Variants in LACTBL1 observed in about 807,000 individuals in gnomAD.
LACTBL1 encodes lactamase beta like 1, also known as beta-lactamase-like protein 1.
A neutral mutation model predicts 39.6 loss-of-function variants in LACTBL1; 29 were observed. The ratio of observed to expected loss-of-function variants is 0.73; its 90% CI spans 0.55 to 1.00. The LOEUF (loss-of-function observed/expected upper bound fraction) is 1.00, where lower values mean the gene tolerates loss of function less well. Among genes scored for constraint, LACTBL1 ranks in the 50% least tolerant of loss-of-function variants. LACTBL1 has a pLI of 0.00. For synonymous variants in LACTBL1, 361 were observed against 360.7 expected (o/e 1.00, Z -0.01); for missense variants, 711 against 748.5 (o/e 0.95, Z 0.59).
chr1:22,969,336 CA>C (rs967757784), upstream of LACTBL1, among the ~76,000 whole-genome samples: 45 of 152,282 alleles, frequency 3.0e-4, no homozygotes, highest in African/African-American at 1.1e-3. Context: ...TTATTAAATA[CA>C]CCAACCTGTC....
intron 2 of LACTBL1, among the ~76,000 whole-genome samples, chr1:22,962,812 T>C (rs1463264783): frequency 6.6e-6 from 1 of 152,148 alleles, no homozygotes; most frequent in Non-Finnish European, 1.5e-5. Flanking sequence ...CCCTAAGGCC[T>C]GTTCCTTTGT....
At chr1:22,956,843 A>G (rs1220077092) in intron 4 of LACTBL1, among the ~76,000 whole-genome samples, 1 of 152,088 alleles carries the variant, frequency 6.6e-6, no homozygotes, top group Non-Finnish European at 1.5e-5. Flanking sequence ...TTATTATAAT[A>G]AGTAATTAAT....
At chr1:22,961,457 G>A (rs1223801917) in intron 2 of LACTBL1, among the ~76,000 whole-genome samples, 2 of 152,226 alleles carry the variant, frequency 1.3e-5, no homozygotes, top group African/African-American at 2.4e-5. Flanking sequence ...TCCACCTCCC[G>A]GGTTCAAGCG....
chr1:22,953,426 G>C lies in LACTBL1; in HGVS notation c.1258C>G (p.Pro420Ala), dbSNP rs531575121. The change falls in exon 6 of 6, where the codon CCG (proline) becomes GCG (alanine). Residue 420 changes from proline to alanine, a missense_variant. By Grantham distance (27) the Pro-to-Ala change is conservative (BLOSUM62 -1). Transcript: ENST00000426928. ...GGGTGCGCGGTGGGCGGCGGAGCCG[G>C]GCCGGGCTCGGCCTCCCGGAGGGCG... 2.2e-4 allele frequency: 265 copies of C among 1,227,474 alleles called. No homozygotes were observed. In the African/African-American group the frequency reaches 3.5e-3, roughly 16 times the overall value. The allele number at this position is 1,227,474 out of a possible 1,614,324, so 76.0% of individuals were successfully genotyped here.
chr1:22,958,437 A>G (rs1324993992), intron 4 of LACTBL1, among the ~76,000 whole-genome samples: 1 of 152,192 alleles, frequency 6.6e-6, no homozygotes, highest in Non-Finnish European at 1.5e-5. Context: ...TTTGACCTGC[A>G]CTGATGGGTA....
chr1:22,970,809 CA>C, the LACTBL1 span, among the ~76,000 whole-genome samples: 5,216 of 80,154 alleles, frequency 0.065, 253 homozygotes, highest in African/African-American at 0.19. Context: ...GACCCTGTCT[CA>C]AAAAAAAAAA....
chr1:22,967,352 G>A (rs1458454116), upstream of LACTBL1, among the ~76,000 whole-genome samples: 1 of 152,060 alleles, frequency 6.6e-6, no homozygotes, highest in Non-Finnish European at 1.5e-5. Flanking sequence ...CTAGATGACA[G>A]AGTGAGACCC....
intron 4 of LACTBL1, among the ~76,000 whole-genome samples, chr1:22,957,640 CTTTTTTTT>C (rs34603019): frequency 7.1e-5 from 4 of 56,642 alleles, no homozygotes; most frequent in East Asian, 7.0e-4. Flanking sequence ...TCTTAATATT[CTTTTTTTT>C]TTTTTTTTTT....
chr1:22,970,089 T>C (rs1640922997), upstream of LACTBL1, among the ~76,000 whole-genome samples: 1 of 152,226 alleles, frequency 6.6e-6, no homozygotes, highest in Non-Finnish European at 1.5e-5. Context: ...TGTAAAGAGT[T>C]TACTTTTACA....
At chr1:22,955,243 T>G in intron 5 of LACTBL1, 78 bp downstream of exon 7, 1 of 1,140,394 alleles carries the variant, frequency 8.8e-7, no homozygotes, top group Non-Finnish European at 1.3e-6. Flanking sequence ...GATGAGGTGA[T>G]GTGGGCTCTT....
intron 2 of LACTBL1, among the ~76,000 whole-genome samples, chr1:22,962,821 G>T (rs766959013): frequency 2.9e-4 from 44 of 152,044 alleles, no homozygotes; most frequent in Admixed American, 7.2e-4. Context: ...CTGTTCCTTT[G>T]TGCCCCCAAA....
chr1:22,954,572 G>T (rs1431678819), intron 5 of LACTBL1, among the ~76,000 whole-genome samples: 3 of 152,100 alleles, frequency 2.0e-5, no homozygotes, highest in Non-Finnish European at 4.4e-5. Flanking sequence ...CTGAACTCTG[G>T]GCCAACTTCC....
intron 2 of LACTBL1, among the ~76,000 whole-genome samples, chr1:22,962,108 T>C (rs1476958039): frequency 6.6e-6 from 1 of 152,176 alleles, no homozygotes; most frequent in Non-Finnish European, 1.5e-5. Context: ...GAGGAATGCA[T>C]GTAAGTGGTT....
chr1:22,957,527 C>T (rs1204747012), intron 4 of LACTBL1, among the ~76,000 whole-genome samples: 1 of 151,548 alleles, frequency 6.6e-6, no homozygotes, highest in Non-Finnish European at 1.5e-5. Flanking sequence ...CTCAGGGCGT[C>T]ATCATGTTCA....
chr1:22,962,955 T>C (rs949314895), intron 2 of LACTBL1, among the ~76,000 whole-genome samples, 152 bp downstream of exon 4: 5 of 152,242 alleles, frequency 3.3e-5, no homozygotes, highest in Non-Finnish European at 7.3e-5. Flanking sequence ...CTTCCTGCCA[T>C]ATCCATAGTG....
chr1:22,953,303 C>A lies in LACTBL1; in HGVS notation c.1381G>T (p.Glu461Ter). ...CGGAACGCTGGAGGCACCAGCGCCT[C>A]CACGCGCGGCCCGAACTGGCGCAGG... The change falls in exon 6 of 6, where the codon GAG becomes TAG. Residue 461 changes from glutamate to a stop codon, truncating the protein, a stop_gained. Transcript: ENST00000426928. LOFTEE classifies it high-confidence loss of function. The A allele has an allele frequency of 8.2e-7, 1 of 1,226,280 alleles. No homozygotes were observed. Among genetic ancestry groups the A allele is most frequent in the Non-Finnish European group, 1.0e-6 (1 of 983,014 alleles). The allele number at this position is 1,226,280 out of a possible 1,614,324, so 76.0% of individuals were successfully genotyped here.
chr1:22,955,513 G>A, intron 4 of LACTBL1, 87 bp from the exon 7 acceptor site: 1 of 783,278 alleles, frequency 1.3e-6, no homozygotes, highest in South Asian at 1.6e-5. Flanking sequence ...CACCTTCCGT[G>A]AGTTGAGAGA....
chr1:22,967,562 A>G (rs1640893974), upstream of LACTBL1, among the ~76,000 whole-genome samples: 2 of 141,516 alleles, frequency 1.4e-5, no homozygotes, highest in Non-Finnish European at 3.0e-5. Flanking sequence ...CTCTCTCCAT[A>G]TATATACACA....
chr1:22,956,380 A>AAGGAGAAGGAGAAAGAGGAGG (rs1640762164), intron 4 of LACTBL1, among the ~76,000 whole-genome samples: 1 of 151,890 alleles, frequency 6.6e-6, no homozygotes, highest in South Asian at 2.1e-4. Context: ...AAAAAAGGAG[A>AAGGAGAAGGAGAAAGAGGAGG]AGGAGAAGGA....
Sources: gnomAD v4.1 joint callset for allele counts (sites outside exome capture counted in the v4.1 genomes callset) on GRCh38, gnomAD v4.1.1 for gene constraint, MANE v1.5 for transcripts, NCBI Gene and HGNC (gene_info 2026-07-23, HGNC 2026-07-21) for gene names.